The following SORCS1 variants were observed in gnomAD, a reference collection of about 807,000 sequenced individuals.
The protein encoded by SORCS1 is VPS10 domain-containing receptor SorCS1.
In SORCS1, 60 loss-of-function variants were observed where a neutral mutation model predicts 146.1. The ratio of observed to expected loss-of-function variants is 0.41; its 90% CI spans 0.33 to 0.51. The LOEUF is 0.51. Ranked by LOEUF, SORCS1 falls within the 20% of genes least tolerant of loss-of-function variation. The probability of loss-of-function intolerance (pLI) is 0.21; values close to 1 mark genes in which losing one functional copy is unlikely to be tolerated. For synonymous variants in SORCS1, 637 were observed against 584.0 expected, an observed-to-expected ratio of 1.09 and a Z score of -1.31; for missense variants, 1,352 against 1,487.6, an observed-to-expected ratio of 0.91 and a Z score of 1.50.
At chr10:107,020,358 G>A (rs1210498786) in intron 1 of SORCS1, among the ~76,000 whole-genome samples, 3 of 152,172 alleles carry the variant, frequency 2.0e-5, no homozygotes, top group South Asian at 2.1e-4. Flanking sequence ...ATACCCAAAA[G>A]TGTTATCTGG....
At chr10:106,598,376 C>T (rs1846038186) in intron 23 of SORCS1, among the ~76,000 whole-genome samples, 1 of 151,782 alleles carries the variant, frequency 6.6e-6, no homozygotes, top group Admixed American at 6.6e-5. Context: ...ATTCTCCTGC[C>T]TCAGCCTCCT....
At chr10:107,068,648 C>G (rs946785939) in intron 1 of SORCS1, among the ~76,000 whole-genome samples, 2 of 152,132 alleles carry the variant, frequency 1.3e-5, no homozygotes, top group Admixed American at 6.5e-5. Flanking sequence ...AGGCGGATCA[C>G]AAGGTCAGGA....
intron 1 of SORCS1, among the ~76,000 whole-genome samples, chr10:106,977,330 T>C (rs1392494123): frequency 6.6e-6 from 1 of 152,242 alleles, no homozygotes; most frequent in African/African-American, 2.4e-5. Flanking sequence ...CATAAATGTC[T>C]TCTTTTGAGA....
intron 24 of SORCS1, among the ~76,000 whole-genome samples, chr10:106,585,117 G>A (rs146863413): frequency 0.034 from 5,154 of 151,922 alleles, 269 homozygotes; most frequent in African/African-American, 0.12. Flanking sequence ...CCAGCTACTC[G>A]GGAGGTTGAG....
intron 2 of SORCS1, among the ~76,000 whole-genome samples, chr10:106,937,092 T>G (rs774328297): frequency 1.3e-5 from 2 of 152,100 alleles, no homozygotes; most frequent in African/African-American, 4.8e-5. Context: ...TGGGAAGGAC[T>G]CATTGGGAGG....
chr10:106,910,314 T>TGTGTGA (rs753133203), intron 2 of SORCS1, among the ~76,000 whole-genome samples: 78 of 126,776 alleles, frequency 6.2e-4, no homozygotes, highest in Middle Eastern at 3.8e-3. Context: ...TGTGTGTGTG[T>TGTGTGA]GAGACAGTAT....
intron 8 of SORCS1, among the ~76,000 whole-genome samples, chr10:106,705,981 C>A (rs1287876880): frequency 6.6e-6 from 1 of 152,154 alleles, no homozygotes; most frequent in East Asian, 1.9e-4. Context: ...GCTGGTGCCA[C>A]GTCACGGCAT....
chr10:106,681,412 A>G (rs138300591), intron 10 of SORCS1, among the ~76,000 whole-genome samples: 2 of 152,360 alleles, frequency 1.3e-5, no homozygotes, highest in African/African-American at 4.8e-5. Context: ...ATAAATAAAG[A>G]TAACTGATTA....
Position 106,576,775 on chromosome 10 carries a change from C to G in SORCS1, c.*645G>C, listed in dbSNP as rs1403543844. On this transcript the variant is annotated 3_prime_UTR_variant, in exon 26 of 26. Transcript: ENST00000263054. ...CAGTATGGAAAGTGGAACAGAGAAA[C>G]AGCTCAGGGTTTCAAACTCCTGTGC... 1 of 156,126 alleles carries G rather than the reference C, an allele frequency of 6.4e-6. No individual in the cohort carries two copies. Among genetic ancestry groups the G allele is most frequent in the Non-Finnish European group, 1.4e-5 (1 of 70,660 alleles). The allele number at this position is 156,126 out of a possible 1,614,324, so 9.7% of individuals were successfully genotyped here.
At chr10:107,175,129 T>G in the SORCS1 span, among the ~76,000 whole-genome samples, 1 of 152,212 alleles carries the variant, frequency 6.6e-6, no homozygotes, top group Non-Finnish European at 1.5e-5. Flanking sequence ...ACATTTTATT[T>G]TATTATAGTG....
chr10:106,750,883 C>A (rs1179038834), intron 5 of SORCS1, among the ~76,000 whole-genome samples: 1 of 149,396 alleles, frequency 6.7e-6, no homozygotes, highest in Admixed American at 6.7e-5. Flanking sequence ...CACGGTGAAA[C>A]CCCCTCTCTA....
intron 4 of SORCS1, among the ~76,000 whole-genome samples, chr10:106,775,863 A>G (rs1256356660): frequency 6.6e-6 from 1 of 152,190 alleles, no homozygotes; most frequent in African/African-American, 2.4e-5. Context: ...AAAGGCAGGG[A>G]CCATATGTAT....
chr10:106,797,080 A>C (rs998537270), intron 3 of SORCS1, among the ~76,000 whole-genome samples: 2 of 152,124 alleles, frequency 1.3e-5, no homozygotes, highest in African/African-American at 2.4e-5. Context: ...GCACTCCAGC[A>C]TGGGCGACAG....
At chr10:106,617,700 A>AT (rs914981758) in intron 21 of SORCS1, among the ~76,000 whole-genome samples, 11 of 152,200 alleles carry the variant, frequency 7.2e-5, no homozygotes, top group Middle Eastern at 3.4e-3. Flanking sequence ...CTAGCAGATA[A>AT]TTTTTTTTAT....
At chr10:107,161,387 A>T (rs1969692637) in intron 1 of SORCS1, among the ~76,000 whole-genome samples, 1 of 152,156 alleles carries the variant, frequency 6.6e-6, no homozygotes, top group Non-Finnish European at 1.5e-5. Context: ...AAAAGATAAG[A>T]GTCCCCCATG....
intron 1 of SORCS1, among the ~76,000 whole-genome samples, chr10:106,989,386 G>C (rs951878433): frequency 1.8e-4 from 27 of 151,356 alleles, no homozygotes; most frequent in Admixed American, 1.6e-3. Context: ...ACTAACAGCA[G>C]TAAACTTGAT....
chr10:107,088,043 C>T (rs1373020748), intron 1 of SORCS1, among the ~76,000 whole-genome samples: 1 of 152,108 alleles, frequency 6.6e-6, no homozygotes, highest in African/African-American at 2.4e-5. Context: ...CTCAGCCTCC[C>T]GAGTAGCTGG....
intron 17 of SORCS1, chr10:106,667,176 G>C (rs11193008): frequency 0.12 from 18,530 of 152,438 alleles, 1,408 homozygotes; most frequent in East Asian, 0.31. Flanking sequence ...TGTGATTCTG[G>C]ATTTACAAAG....
At chr10:106,958,436 T>C (rs1286968341) in intron 1 of SORCS1, among the ~76,000 whole-genome samples, 1 of 152,204 alleles carries the variant, frequency 6.6e-6, no homozygotes, top group Non-Finnish European at 1.5e-5. Context: ...TGAGTCCAAG[T>C]TCCACTCTAC....
Sources: gnomAD v4.1 joint callset for allele counts (sites outside exome capture counted in the v4.1 genomes callset) on GRCh38, gnomAD v4.1.1 for gene constraint, MANE v1.5 for transcripts, NCBI Gene and HGNC (gene_info 2026-07-23, HGNC 2026-07-21) for gene names.